Variants in PACSIN3 observed in about 807,000 individuals in gnomAD.
The protein encoded by PACSIN3 is protein kinase C and casein kinase substrate in neurons 3.
Under a neutral mutation model 56.1 loss-of-function variants are expected in PACSIN3, and 34 were observed. The observed-to-expected ratio is 0.61, with a 90% CI of 0.46 to 0.81. The LOEUF is 0.81. PACSIN3 is among the 30% of genes least tolerant of loss of function. The pLI is 0.00. For missense variants in PACSIN3, 535 were observed against 592.4 expected (o/e 0.90, Z 1.01); for synonymous variants, 218 against 229.8 (o/e 0.95, Z 0.46).
rs1390718716 is a variant in PACSIN3, at chr11:47,179,507, A to G, written c.683T>C (p.Phe228Ser). The change falls in exon 7 of 11, where the codon TTT (phenylalanine) becomes TCT (serine). Residue 228 changes from phenylalanine (F) to serine (S), a missense_variant. Transcript: ENST00000298838. This position sits in a 1 kb window ranked among gnomAD's most constrained non-coding sequence, Gnocchi z 4.4. ...GCGCTCGGCGGCCTGGCAGGTCTCA[A>G]AGGCCTGTTCCATGTCCTCCATGTA... ...PRYMEDMEQA[F>S]ETCQAAERQR... 1.2e-6 allele frequency: 2 copies of G among 1,613,930 alleles called. No individual in the cohort carries two copies. The highest frequency in any genetic ancestry group is 8.5e-7 in the Non-Finnish European group (1 of 1,180,030).
rs1953045670 is a variant in PACSIN3 at position 47,182,496 on chromosome 11, C to T, written c.118G>A (p.Val40Ile). 1.1e-5 allele frequency: 18 copies of T among 1,611,734 alleles called. No individual in the cohort carries two copies. Among genetic ancestry groups the T allele is most frequent in the Non-Finnish European group, 1.5e-5 (18 of 1,179,974 alleles). Residue 40 changes from valine (V) to isoleucine (I), a missense_variant, in exon 4 of 11, where the codon GTC (valine) becomes ATC (isoleucine). Val to Ile is a conservative substitution (Grantham distance 29). Transcript: ENST00000298838. Reference sequence around the variant, plus strand: ...CGGGCGCGCTCCTGGAAGCAGCTGACCAGGTCCCCGCACAGCCGGTGCCCG... The same window carrying T: ...CGGGCGCGCTCCTGGAAGCAGCTGATCAGGTCCCCGCACAGCCGGTGCCCG... ...EDGHRLCGDL[V>I]SCFQERARIE...
intron 1 of PACSIN3, among the ~76,000 whole-genome samples, chr11:47,184,877 C>G (rs1405605019): frequency 6.6e-6 from 1 of 152,214 alleles, no homozygotes; most frequent in Non-Finnish European, 1.5e-5. Flanking sequence ...GCCCCCCACC[C>G]CTTCCCTCTC....
At position 47,178,426 on chromosome 11, in the gene PACSIN3, G is replaced by A. The variant is rs755154591; in HGVS notation, c.1099C>T (p.Arg367Trp). The A allele has an allele frequency of 1.1e-5, 18 of 1,613,840 alleles. No homozygotes were observed. Among genetic ancestry groups the A allele is most frequent in the Admixed American group, 5.0e-5 (3 of 59,994 alleles). Residue 367 changes from arginine (R) to tryptophan (W), a missense_variant, in exon 10 of 11, where the codon CGG (arginine) becomes TGG (tryptophan). Coordinates refer to ENST00000298838, the MANE Select transcript of PACSIN3 (RefSeq NM_016223.5). This position sits in a 1 kb window ranked among gnomAD's most constrained non-coding sequence, Gnocchi z 4.2. ...ESPRKAATGVRVRALYDYAGQ... is the reference protein window; with the variant it reads ...ESPRKAATGVWVRALYDYAGQ... ...GCGTAGTCATAGAGTGCCCTCACCC[G>A]AACCCCGGTGGCAGCCTTCCGGGGA... is the stretch of plus-strand genomic sequence containing the variant.
At chr11:47,184,003 T>G in intron 1 of PACSIN3, among the ~76,000 whole-genome samples, 2 of 144,710 alleles carry the variant, frequency 1.4e-5, no homozygotes, top group East Asian at 2.0e-4. Context: ...GGCAACAGAG[T>G]GAGACTGTCT....
intron 4 of PACSIN3, among the ~76,000 whole-genome samples, chr11:47,181,602 C>T (rs546900551): frequency 6.6e-6 from 1 of 151,938 alleles, no homozygotes; most frequent in African/African-American, 2.4e-5. Flanking sequence ...GGAGAAAGGA[C>T]CGCTAGAGCC....
Position 47,178,977 on chromosome 11 carries a change from C to T in PACSIN3, c.954G>A (p.Arg318=). ...TGGTCAGGGTAACCTCATCAGGGCT[C>T]CGGCCACCCTTCTCTTTCCGGCTGA... The part of the protein sequence containing the change: ...RTISRKEKGG[R]SPDEVTLTSI... The change falls in exon 9 of 11, where the codon CGG becomes CGA. Residue 318 remains arginine (R), a synonymous_variant. Coordinates refer to ENST00000298838, the MANE Select transcript of PACSIN3 (RefSeq NM_016223.5). This position sits in a 1 kb window ranked among gnomAD's most constrained non-coding sequence, Gnocchi z 4.2. 6.2e-7 allele frequency: 1 copy of T among 1,614,076 alleles called. No homozygotes were observed. Among genetic ancestry groups the T allele is most frequent in the Non-Finnish European group, 8.5e-7 (1 of 1,180,018 alleles).
rs1952980417 is a variant in PACSIN3, at chr11:47,179,772, A to G, written c.604-186T>C. ...TAACAAGGGAGGTGACATCAGGCACAGCATATAAAAGAGTCTGGTGAGGAT... is the reference window on the plus strand; with the variant it reads ...TAACAAGGGAGGTGACATCAGGCACGGCATATAAAAGAGTCTGGTGAGGAT... On this transcript the variant is annotated intron_variant, in intron 6 of 10. Coordinates refer to ENST00000298838, the MANE Select transcript of PACSIN3 (RefSeq NM_016223.5). This position sits in a 1 kb window ranked among gnomAD's most constrained non-coding sequence, Gnocchi z 4.4. 3.3e-6 allele frequency: 2 copies of G among 597,218 alleles called. No homozygotes were observed. The highest frequency in any genetic ancestry group is 2.8e-5 in the East Asian group (1 of 36,102). 37.0% of individuals were successfully genotyped at this position (597,218 alleles called of 1,614,324 possible). A position where few individuals can be genotyped will look rare whatever the true frequency, so the allele number is the denominator to read the frequency against.
rs1426646593 is a variant in PACSIN3, at chr11:47,179,600, G to A, written c.604-14C>T. The A allele has an allele frequency of 6.2e-7, 1 of 1,610,606 alleles. No individual in the cohort carries two copies. The highest frequency in any genetic ancestry group is 1.1e-5 in the South Asian group (1 of 91,066). ...CTGAGCTTTTGTCTGGGTGGGAGAG[G>A]AGGGGCCTGGTGAGAACCAGACCTT... On this transcript the variant is annotated splice_polypyrimidine_tract_variant and intron_variant, in intron 6 of 10. Transcript: ENST00000298838. The surrounding 1 kb of genome is among the most constrained non-coding windows in gnomAD (Gnocchi z 4.4).
chr11:47,186,007 G>A lies in PACSIN3; in HGVS notation c.-104+342C>T, dbSNP rs942039820. On this transcript the variant is annotated intron_variant, in intron 1 of 10. Transcript: ENST00000298838. The surrounding 1 kb of genome is among the most constrained non-coding windows in gnomAD (Gnocchi z 4.5). ...CAGGAATCGGGGCTCGCTGCATAGG[G>A]CGAGGGATCGCCAGGGAGCGAGGAC... The A allele has an allele frequency of 6.6e-6, 1 of 152,212 alleles. No homozygotes were observed. Among genetic ancestry groups the A allele is most frequent in the Non-Finnish European group, 1.5e-5 (1 of 68,056 alleles). The allele number at this position is 152,212 out of a possible 1,614,324, so 9.4% of individuals were successfully genotyped here.
chr11:47,179,440 G>C lies in PACSIN3; in HGVS notation c.750C>G (p.His250Gln). 1 of 1,614,100 alleles carries C rather than the reference G, an allele frequency of 6.2e-7. No homozygotes were observed. Among genetic ancestry groups the C allele is most frequent in the Non-Finnish European group, 8.5e-7 (1 of 1,180,036 alleles). ...CACTGCTGGAAAGGTCCAGGTGCTG[G>C]TGTAAGGTGAGCAGCATATCCTTGA... ...LFFKDMLLTL[H>Q]QHLDLSSSEK... Residue 250 changes from histidine (H) to glutamine (Q), a missense_variant, in exon 7 of 11, where the codon CAC becomes CAG. Coordinates refer to ENST00000298838, the MANE Select transcript of PACSIN3 (RefSeq NM_016223.5). This position sits in a 1 kb window ranked among gnomAD's most constrained non-coding sequence, Gnocchi z 4.4.
In PACSIN3 at chr11:47,179,787, C is replaced by G. The variant is rs1952980841; in HGVS notation, c.604-201G>C. 3.4e-6 allele frequency: 2 copies of G among 587,948 alleles called. No individual in the cohort carries two copies. The highest frequency in any genetic ancestry group is 6.0e-6 in the Non-Finnish European group (2 of 333,380). 36.4% of individuals were successfully genotyped at this position (587,948 alleles called of 1,614,324 possible). On this transcript the variant is annotated intron_variant, in intron 6 of 10. Coordinates refer to ENST00000298838, the MANE Select transcript of PACSIN3 (RefSeq NM_016223.5). The surrounding 1 kb of genome is among the most constrained non-coding windows in gnomAD (Gnocchi z 4.4). Reference sequence around the variant, plus strand: ...CATCAGGCACAGCATATAAAAGAGTCTGGTGAGGATTGAAATGAGGTCAAC... The same window carrying G: ...CATCAGGCACAGCATATAAAAGAGTGTGGTGAGGATTGAAATGAGGTCAAC...
Position 47,179,493 on chromosome 11 carries a change from C to CCTGGCAGGTCTCT in PACSIN3, c.696_697insAGAGACCTGCCAG (p.Ala233ArgfsTer31). On this transcript the variant is annotated frameshift_variant, in exon 7 of 11. Transcript: ENST00000298838. LOFTEE classifies it high-confidence loss of function. This position sits in a 1 kb window ranked among gnomAD's most constrained non-coding sequence, Gnocchi z 4.4. ...AAAAGAAGCCGCTGGCGCTCGGCGGCCTGGCAGGTCTCAAAGGCCTGTTCC... is the reference window on the plus strand; with the variant it reads ...AAAAGAAGCCGCTGGCGCTCGGCGGCCTGGCAGGTCTCTCTGGCAGGTCTCAAAGGCCTGTTCC... 1 of 1,613,978 alleles carries CCTGGCAGGTCTCT rather than the reference C, an allele frequency of 6.2e-7. No homozygotes were observed. Among genetic ancestry groups the CCTGGCAGGTCTCT allele is most frequent in the Non-Finnish European group, 8.5e-7 (1 of 1,180,030 alleles).
In PACSIN3 at chr11:47,180,592, C is replaced by G. The variant is rs1383235070; in HGVS notation, c.310G>C (p.Gly104Arg). 7 of 1,605,214 alleles carry G rather than the reference C, an allele frequency of 4.4e-6. No individual in the cohort carries two copies. Among genetic ancestry groups the G allele is most frequent in the Non-Finnish European group, 8.5e-7 (1 of 1,179,896 alleles). The change falls in exon 5 of 11, where the codon GGG (glycine) becomes CGG (arginine). Residue 104 changes from glycine to arginine, a missense_variant. Gly to Arg is a moderately radical substitution (Grantham distance 125). Coordinates refer to ENST00000298838, the MANE Select transcript of PACSIN3 (RefSeq NM_016223.5). The stretch of plus-strand genomic sequence containing the variant: ...GCGCGCACCCGCTCACTGTCCTGCC[C>G]TTGCAGCTTCTCCCGCACCTCCAGG... ...LHLEVREKLQ[G>R]QDSERVRAWQ...
rs751905359 is a variant in PACSIN3, at chr11:47,179,050, A to G, written c.901-20T>C. Reference sequence around the variant, plus strand: ...CCACTCCTGTGGGGACAGTGCTTATAGTCAGGTGGGGCCATCTGAACCACC... The same window carrying G: ...CCACTCCTGTGGGGACAGTGCTTATGGTCAGGTGGGGCCATCTGAACCACC... On this transcript the variant is annotated intron_variant, in intron 8 of 10. Transcript: ENST00000298838. The surrounding 1 kb of genome is among the most constrained non-coding windows in gnomAD (Gnocchi z 4.4). The G allele has an allele frequency of 1.9e-6, 3 of 1,614,110 alleles. No individual in the cohort carries two copies. Among genetic ancestry groups the G allele is most frequent in the Admixed American group, 3.3e-5 (2 of 60,026 alleles).
Position 47,179,104 on chromosome 11 carries a change from G to A in PACSIN3, c.900+55C>T, listed in dbSNP as rs879025860. ...ACTTACTTCATCCCTAGCCCTGGCC[G>A]AGCTGAGTGGGAGCCCATCCCACCT... is the stretch of plus-strand genomic sequence containing the variant. On this transcript the variant is annotated intron_variant, in intron 8 of 10. Coordinates refer to ENST00000298838, the MANE Select transcript of PACSIN3 (RefSeq NM_016223.5). This position sits in a 1 kb window ranked among gnomAD's most constrained non-coding sequence, Gnocchi z 4.4. 1.5e-5 allele frequency: 25 copies of A among 1,613,392 alleles called. No homozygotes were observed. Among genetic ancestry groups the A allele is most frequent in the Middle Eastern group, 1.6e-4 (1 of 6,084 alleles).
At position 47,177,581 on chromosome 11, in the gene PACSIN3, C is replaced by G; in HGVS notation, c.*350G>C. 3.2e-6 allele frequency: 1 copy of G among 316,488 alleles called. No individual in the cohort carries two copies. The highest frequency in any genetic ancestry group is 3.7e-5 in the South Asian group (1 of 26,896). The allele number at this position is 316,488 out of a possible 1,614,324, so 19.6% of individuals were successfully genotyped here. On this transcript the variant is annotated 3_prime_UTR_variant, in exon 11 of 11. Coordinates refer to ENST00000298838, the MANE Select transcript of PACSIN3 (RefSeq NM_016223.5). ...AGTTTTAATACACGCTAGAACAAGC[C>G]ACAAGAGGGTGCTGCTAGGCCAGAA...
At position 47,186,135 on chromosome 11, in the gene PACSIN3, G is replaced by A. The variant is rs1349695606; in HGVS notation, c.-104+214C>T. 5.3e-5 allele frequency among the ~76,000 whole-genome samples: 8 copies of A among 151,852 alleles called. No individual in the cohort carries two copies. The highest frequency in any genetic ancestry group is 1.5e-5 in the Non-Finnish European group (1 of 67,846). Reference sequence around the variant, plus strand: ...AGCGCCGGCGCCGCCTCCCCCGGGCGGCCTGCGGAATTGCGAAGCCCGCGG... The same window carrying A: ...AGCGCCGGCGCCGCCTCCCCCGGGCAGCCTGCGGAATTGCGAAGCCCGCGG... On this transcript the variant is annotated intron_variant, in intron 1 of 10. Coordinates refer to ENST00000298838, the MANE Select transcript of PACSIN3 (RefSeq NM_016223.5). The surrounding 1 kb of genome is among the most constrained non-coding windows in gnomAD (Gnocchi z 4.5).
chr11:47,180,127 G>T, intron 6 of PACSIN3, 59 bp downstream of exon 6: 1 of 1,509,386 alleles, frequency 6.6e-7, no homozygotes, highest in Non-Finnish European at 9.1e-7. Flanking sequence ...CAGGGAGCAA[G>T]ATTCATTCAG....
intron 1 of PACSIN3, chr11:47,184,465 C>T (rs1189852910): frequency 2.6e-5 from 4 of 152,274 alleles, no homozygotes; most frequent in African/African-American, 9.6e-5. Context: ...CCGACAGAGG[C>T]TTCCAGGATT....
Sources: allele counts gnomAD v4.1 joint callset (sites outside exome capture counted in the v4.1 genomes callset), GRCh38; gene constraint gnomAD v4.1.1; non-coding constraint Gnocchi (gnomAD v3.1); transcripts MANE v1.5; gene names NCBI Gene and HGNC (gene_info 2026-07-23, HGNC 2026-07-21).